Variants in FAXC observed in about 807,000 individuals in gnomAD.
The protein encoded by FAXC is failed axon connections homolog, metaxin like GST domain containing, also known as failed axon connections homolog.
Under a neutral mutation model 41.9 loss-of-function variants are expected in FAXC, and 10 were observed. That is an observed-to-expected ratio of 0.24 (90% CI 0.15 to 0.41). The LOEUF (loss-of-function observed/expected upper bound fraction) is 0.41. FAXC is among the 10% of genes least tolerant of loss of function. The pLI, the probability that FAXC is intolerant of heterozygous loss-of-function variation, is 1.00. For synonymous variants in FAXC, 183 were observed against 183.8 expected (o/e 1.00, Z 0.03); for missense variants, 399 against 510.9 (o/e 0.78, Z 2.11).
At chr6:99,331,632 C>G (rs1056507531) in intron 3 of FAXC, among the ~76,000 whole-genome samples, 1 of 152,192 alleles carries the variant, frequency 6.6e-6, no homozygotes, top group Admixed American at 6.5e-5. Flanking sequence ...AAAGTGACAA[C>G]TAAAATGTAT....
intron 5 of FAXC, among the ~76,000 whole-genome samples, chr6:99,287,266 C>G (rs948674712): frequency 2.6e-5 from 4 of 151,966 alleles, no homozygotes; most frequent in South Asian, 2.1e-4. Flanking sequence ...ATTATGATCC[C>G]AGCTTAAAAA....
intron 4 of FAXC, among the ~76,000 whole-genome samples, chr6:99,307,604 C>T (rs1465526521): frequency 6.6e-6 from 1 of 152,040 alleles, no homozygotes; most frequent in Non-Finnish European, 1.5e-5. Context: ...GCGGGCTAAG[C>T]AGGAGTGCAC....
chr6:99,344,304 G>C (rs1364662614), intron 1 of FAXC, among the ~76,000 whole-genome samples: 2 of 152,064 alleles, frequency 1.3e-5, no homozygotes, highest in African/African-American at 4.8e-5. Context: ...GGACCCTTTT[G>C]CAATTTCCAT....
intron 1 of FAXC, among the ~76,000 whole-genome samples, chr6:99,343,636 T>C (rs879438562): frequency 6.6e-6 from 1 of 152,216 alleles, no homozygotes; most frequent in Non-Finnish European, 1.5e-5. Context: ...TTTTGGCCAT[T>C]AGACTATACC....
chr6:99,321,691 T>C (rs1481140477), intron 4 of FAXC, among the ~76,000 whole-genome samples: 3 of 152,234 alleles, frequency 2.0e-5, no homozygotes, highest in African/African-American at 7.2e-5. Context: ...TTCCTTTTTC[T>C]TCTATCTCCT....
chr6:99,346,344 T>C (rs1457364753), intron 1 of FAXC, among the ~76,000 whole-genome samples: 1 of 152,216 alleles, frequency 6.6e-6, no homozygotes, highest in Non-Finnish European at 1.5e-5. Context: ...GCTTCAGTTC[T>C]CCACATTTCT....
At position 99,281,205 on chromosome 6, in the gene FAXC, C is replaced by T; in HGVS notation, c.1189G>A (p.Val397Met). 3 of 1,575,992 alleles carry T rather than the reference C, an allele frequency of 1.9e-6. No individual in the cohort carries two copies. The highest frequency in any genetic ancestry group is 2.2e-5 in the East Asian group (1 of 44,676). Residue 397 changes from valine (V) to methionine (M), a missense_variant, in exon 6 of 6, where the codon GTG (valine) becomes ATG (methionine). By Grantham distance (21) the Val-to-Met change is conservative. Transcript: ENST00000389677. ...FTGHSLFDSD[V>M]DMDDYTDHEQ... ...TGGTCTGTATAGTCATCCATGTCCA[C>T]ATCCGAATCAAAGAGTGAGTGTCCA...
intron 3 of FAXC, among the ~76,000 whole-genome samples, chr6:99,330,072 G>T: frequency 6.6e-6 from 1 of 151,628 alleles, no homozygotes; most frequent in Admixed American, 6.6e-5. Flanking sequence ...GTTGCCCAGG[G>T]TGGTCTCGAA....
intron 3 of FAXC, among the ~76,000 whole-genome samples, chr6:99,329,988 T>C: frequency 6.6e-6 from 1 of 151,628 alleles, no homozygotes. Context: ...AGCCTCGAAC[T>C]CCTGGGCTCA....
In FAXC at chr6:99,296,573, C is replaced by T. The variant is rs545460325; in HGVS notation, c.824-4753G>A. Reference sequence around the variant, plus strand: ...ATCAGACCTTCTAAAGTATGCTCCACCTGAGGCCAGCTTCTAAGCACCCAG... The same window carrying T: ...ATCAGACCTTCTAAAGTATGCTCCATCTGAGGCCAGCTTCTAAGCACCCAG... On this transcript the variant is annotated intron_variant, in intron 4 of 5. Coordinates refer to ENST00000389677, the MANE Select transcript of FAXC (RefSeq NM_032511.4). Among the ~76,000 whole-genome samples the T allele has an allele frequency of 6.6e-5, 10 of 152,282 alleles. No homozygotes were observed. The South Asian group carries it at 1.9e-3, about 28-fold the overall frequency.
At position 99,349,610 on chromosome 6, in the gene FAXC, G is replaced by A. The variant is rs911398288; in HGVS notation, c.-238C>T. On this transcript the variant is annotated 5_prime_UTR_variant, in exon 1 of 6. Coordinates refer to ENST00000389677, the MANE Select transcript of FAXC (RefSeq NM_032511.4). ...CCCCAGAGCCCTGGGCGGCAGCAGC[G>A]GCCGCCGGCTCCCCCCGCAGCTGCC... The A allele has an allele frequency of 1.1e-4, 17 of 155,236 alleles. No homozygotes were observed. Among genetic ancestry groups the A allele is most frequent in the Non-Finnish European group, 2.3e-4 (16 of 70,638 alleles). The allele number at this position is 155,236 out of a possible 1,614,324, so 9.6% of individuals were successfully genotyped here.
chr6:99,323,529 C>G lies in FAXC; in HGVS notation c.738G>C (p.Met246Ile). ...HITKGIVKRE[M>I]HGHGIGRFSE... is the part of the protein sequence containing the mutation. The stretch of plus-strand genomic sequence containing the variant: ...AGAAGCGGCCAATGCCGTGGCCGTG[C>G]ATCTCGCGTTTCACAATTCCTTTCG... The change falls in exon 4 of 6, where the codon ATG becomes ATC. Residue 246 changes from methionine to isoleucine, a missense_variant. By Grantham distance (10) the Met-to-Ile change is conservative (BLOSUM62 1). Coordinates refer to ENST00000389677, the MANE Select transcript of FAXC (RefSeq NM_032511.4). The G allele has an allele frequency of 6.2e-7, 1 of 1,614,238 alleles. No individual in the cohort carries two copies. The highest frequency in any genetic ancestry group is 8.5e-7 in the Non-Finnish European group (1 of 1,180,054).
chr6:99,347,774 T>C (rs1773653967), intron 1 of FAXC, among the ~76,000 whole-genome samples: 1 of 152,242 alleles, frequency 6.6e-6, no homozygotes, highest in Non-Finnish European at 1.5e-5. Context: ...TTTTAGTTCT[T>C]TAGGTAGCTT....
At chr6:99,341,356 AAGAG>A (rs1371594688) in intron 2 of FAXC, among the ~76,000 whole-genome samples, 1 of 152,120 alleles carries the variant, frequency 6.6e-6, no homozygotes, top group Admixed American at 6.5e-5. Context: ...AATTAGATAT[AAGAG>A]AGAAATAAAT....
rs1770781839 is a variant in FAXC, at chr6:99,280,414, G to A, written c.*750C>T. The A allele has an allele frequency of 6.6e-6, 1 of 152,266 alleles. No individual in the cohort carries two copies. The highest frequency in any genetic ancestry group is 1.5e-5 in the Non-Finnish European group (1 of 68,060). 9.4% of individuals were successfully genotyped at this position (152,266 alleles called of 1,614,324 possible). On this transcript the variant is annotated 3_prime_UTR_variant, in exon 6 of 6. Transcript: ENST00000389677. Reference sequence around the variant, plus strand: ...AGTGCAATAAAGAATAAAATGCTGTGTTTATGTCGCACCACTTCTAAGAGG... The same window carrying A: ...AGTGCAATAAAGAATAAAATGCTGTATTTATGTCGCACCACTTCTAAGAGG...
At chr6:99,312,903 C>G (rs1562167773) in intron 4 of FAXC, among the ~76,000 whole-genome samples, 2 of 152,178 alleles carry the variant, frequency 1.3e-5, no homozygotes, top group African/African-American at 4.8e-5. Flanking sequence ...TCTGCTGATA[C>G]TCCTTCATAT....
At chr6:99,345,533 C>T (rs1270275052) in intron 1 of FAXC, among the ~76,000 whole-genome samples, 1 of 152,100 alleles carries the variant, frequency 6.6e-6, no homozygotes, top group Non-Finnish European at 1.5e-5. Flanking sequence ...TAGGTTGTTC[C>T]CTGTACAGCT....
intron 3 of FAXC, among the ~76,000 whole-genome samples, chr6:99,324,801 A>C (rs974366996): frequency 1.3e-5 from 2 of 152,142 alleles, no homozygotes; most frequent in Non-Finnish European, 2.9e-5. Flanking sequence ...AGACATTTTC[A>C]TTTTTCCTCC....
At chr6:99,320,197 T>C (rs1582663335) in intron 4 of FAXC, among the ~76,000 whole-genome samples, 1 of 152,316 alleles carries the variant, frequency 6.6e-6, no homozygotes, top group East Asian at 1.9e-4. Flanking sequence ...CCTATTTTAC[T>C]AAGAGTGTTT....
Sources: allele counts gnomAD v4.1 joint callset (sites outside exome capture counted in the v4.1 genomes callset), GRCh38; gene constraint gnomAD v4.1.1; transcripts MANE v1.5; gene names NCBI Gene and HGNC (gene_info 2026-07-23, HGNC 2026-07-21).